Variants in SLC10A1 observed in about 807,000 individuals in gnomAD.
SLC10A1 encodes the protein solute carrier family 10 member 1, also known as hepatic sodium/bile acid cotransporter.
In SLC10A1, 36 loss-of-function variants were observed where a neutral mutation model predicts 20.5. That is an observed-to-expected ratio of 1.75 (90% CI 1.34 to 2.32). SLC10A1 has a LOEUF of 2.32. Ranked by LOEUF, SLC10A1 falls within the 30% of genes most tolerant of loss-of-function variation. The pLI is 0.00. For missense variants in SLC10A1, 545 were observed against 439.1 expected (o/e 1.24, Z -2.16); for synonymous variants, 188 against 163.6 (o/e 1.15, Z -1.14).
At chr14:69,790,355 T>G (rs1883809347) in intron 1 of SLC10A1, among the ~76,000 whole-genome samples, 1 of 152,084 alleles carries the variant, frequency 6.6e-6, no homozygotes, top group Non-Finnish European at 1.5e-5. Flanking sequence ...GTTAATATGA[T>G]CTTGGAACGA....
chr14:69,778,186 T>C, intron 4 of SLC10A1, 147 bp downstream of exon 4: 1 of 593,706 alleles, frequency 1.7e-6, no homozygotes, highest in African/African-American at 2.0e-5. Context: ...TAATGCTTCT[T>C]GGGTGCTTCT....
Position 69,776,060 on chromosome 14 carries a change from A to G in SLC10A1, c.*222T>C. The G allele has an allele frequency of 1.8e-6, 1 of 550,254 alleles. No homozygotes were observed. The highest frequency in any genetic ancestry group is 3.0e-5 in the East Asian group (1 of 32,966). 34.1% of individuals were successfully genotyped at this position (550,254 alleles called of 1,614,324 possible). A position where few individuals can be genotyped will look rare whatever the true frequency, so the allele number is the denominator to read the frequency against. On this transcript the variant is annotated 3_prime_UTR_variant, in exon 5 of 5. Transcript: ENST00000216540. ...TCATAGAGTTTACAGTCACTGAACA[A>G]GTCTTTAAAATAAGTAGCAAATTCT... is the stretch of plus-strand genomic sequence containing the variant.
Position 69,779,082 on chromosome 14 carries a change from A to G in SLC10A1, c.746+100T>C, listed in dbSNP as rs1883521109. On this transcript the variant is annotated intron_variant, in intron 3 of 4. Transcript: ENST00000216540. Reference sequence around the variant, plus strand: ...GGGCTGAGGCAGGAGGATCAGTTAAACCCTGGAGGTTGAGGCTGCAGTGAG... The same window carrying G: ...GGGCTGAGGCAGGAGGATCAGTTAAGCCCTGGAGGTTGAGGCTGCAGTGAG... 5 of 863,480 alleles carry G rather than the reference A, an allele frequency of 5.8e-6. No individual in the cohort carries two copies. The East Asian group carries it at 1.4e-4, about 23-fold the overall frequency. The allele number at this position is 863,480 out of a possible 1,614,324, so 53.5% of individuals were successfully genotyped here.
chr14:69,779,449 G>C, intron 2 of SLC10A1, 89 bp from the exon 3 acceptor site: 3 of 972,926 alleles, frequency 3.1e-6, no homozygotes, highest in Non-Finnish European at 4.5e-6. Flanking sequence ...TTGGAGGTGG[G>C]AAACATTGCA....
In SLC10A1 at chr14:69,776,328, C is replaced by G; in HGVS notation, c.1004G>C (p.Gly335Ala). 6.2e-7 allele frequency: 1 copy of G among 1,613,782 alleles called. No individual in the cohort carries two copies. The highest frequency in any genetic ancestry group is 8.5e-7 in the Non-Finnish European group (1 of 1,180,008). The change falls in exon 5 of 5, where the codon GGA (glycine) becomes GCA (alanine). Residue 335 changes from glycine (G) to alanine (A), a missense_variant. Physicochemically the swap from Gly to Ala is moderately conservative, Grantham distance 60. Transcript: ENST00000216540. Reference protein sequence around the residue: ...TTEETIPGALGNGTYKGEDCS... With the variant: ...TTEETIPGALANGTYKGEDCS... ...GTCCTCCCCTTTGTAGGTGCCATTT[C>G]CCAGAGCTCCTGGAATTGTTTCTTC...
chr14:69,790,652 A>T (rs8020042), intron 1 of SLC10A1, among the ~76,000 whole-genome samples: 1 of 151,942 alleles, frequency 6.6e-6, no homozygotes, highest in Admixed American at 6.6e-5. Flanking sequence ...TTGAAAGGAA[A>T]TCTATTAGAA....
chr14:69,784,308 G>A (rs1883663227), intron 2 of SLC10A1, among the ~76,000 whole-genome samples: 1 of 152,216 alleles, frequency 6.6e-6, no homozygotes, highest in South Asian at 2.1e-4. Context: ...GTCCAATGCT[G>A]CTAGAAGGTC....
chr14:69,775,934 G>T lies in SLC10A1; in HGVS notation c.*348C>A, dbSNP rs201696034. The T allele has an allele frequency of 6.2e-5, 12 of 193,588 alleles. No homozygotes were observed. In the Admixed American group the frequency reaches 6.9e-4, roughly 11 times the overall value. The allele number at this position is 193,588 out of a possible 1,614,324, so 12.0% of individuals were successfully genotyped here. ...ATGGGATTTGGGTATTTGAGTAATG[G>T]GTTAAACATATATATTGATTAGTTC... On this transcript the variant is annotated 3_prime_UTR_variant, in exon 5 of 5. Transcript: ENST00000216540.
rs867225105 is a variant in SLC10A1, at chr14:69,787,879, T to C, written c.357-1572A>G. 2.0e-5 allele frequency among the ~76,000 whole-genome samples: 3 copies of C among 151,924 alleles called. No homozygotes were observed. In the South Asian group the frequency reaches 6.2e-4, roughly 32 times the overall value. ...ACCCCTGTCTCTACACACAAACAAATGAACAAACAAACCAAAAACCACACA... is the reference window on the plus strand; with the variant it reads ...ACCCCTGTCTCTACACACAAACAAACGAACAAACAAACCAAAAACCACACA... On this transcript the variant is annotated intron_variant, in intron 1 of 4. Transcript: ENST00000216540.
chr14:69,793,366 T>C (rs1259511405), intron 1 of SLC10A1, among the ~76,000 whole-genome samples: 1 of 152,138 alleles, frequency 6.6e-6, no homozygotes, highest in Admixed American at 6.5e-5. Flanking sequence ...TTTCAGACTC[T>C]AGATTCCTGA....
At chr14:69,791,229 TA>T (rs1331457108) in intron 1 of SLC10A1, among the ~76,000 whole-genome samples, 2 of 152,164 alleles carry the variant, frequency 1.3e-5, no homozygotes, top group Admixed American at 1.3e-4. Context: ...TCCAGACTTA[TA>T]ATTTTTTTTG....
intron 4 of SLC10A1, 55 bp from the exon 5 acceptor site, chr14:69,776,443 T>C (rs1000554630): frequency 2.2e-6 from 3 of 1,381,928 alleles, no homozygotes; most frequent in African/African-American, 2.9e-5. Context: ...GAGTGAACAA[T>C]GAAGCTTGTT....
chr14:69,787,924 G>A (rs1883760156), intron 1 of SLC10A1, among the ~76,000 whole-genome samples: 1 of 152,102 alleles, frequency 6.6e-6, no homozygotes, highest in East Asian at 1.9e-4. Context: ...GCCAGGTGTG[G>A]TGGTGTGCAC....
chr14:69,793,601 G>C (rs944466151), intron 1 of SLC10A1, among the ~76,000 whole-genome samples: 9 of 152,228 alleles, frequency 5.9e-5, no homozygotes, highest in Admixed American at 2.6e-4. Context: ...AAAACTTCTG[G>C]GACCCCAGTG....
Position 69,776,906 on chromosome 14 carries a change from A to G in SLC10A1, c.944-518T>C, listed in dbSNP as rs150843324. ...ACAGAGTTGTTCTCCCATCAGGTGCAGGAATGAAAAGTATAAAAACTTGAC... is the reference window on the plus strand; with the variant it reads ...ACAGAGTTGTTCTCCCATCAGGTGCGGGAATGAAAAGTATAAAAACTTGAC... On this transcript the variant is annotated intron_variant, in intron 4 of 4. Transcript: ENST00000216540. 6.0e-3 allele frequency among the ~76,000 whole-genome samples: 921 copies of G among 152,338 alleles called. 8 individuals carry two copies. Among genetic ancestry groups the G allele is most frequent in the African/African-American group, 0.021 (886 of 41,576 alleles).
chr14:69,782,911 T>A (rs1883629207), intron 2 of SLC10A1, among the ~76,000 whole-genome samples: 1 of 151,728 alleles, frequency 6.6e-6, no homozygotes, highest in Non-Finnish European at 1.5e-5. Flanking sequence ...CTCACATCAG[T>A]TGTCATTAGC....
intron 1 of SLC10A1, among the ~76,000 whole-genome samples, chr14:69,787,104 T>C (rs1883735728): frequency 1.3e-5 from 2 of 152,198 alleles, no homozygotes; most frequent in African/African-American, 4.8e-5. Flanking sequence ...CAGATTTGCT[T>C]TGCATCTTGG....
At chr14:69,787,835 G>T (rs984500178) in intron 1 of SLC10A1, among the ~76,000 whole-genome samples, 3 of 152,066 alleles carry the variant, frequency 2.0e-5, no homozygotes, top group African/African-American at 7.2e-5. Flanking sequence ...TTTGAGACCA[G>T]CCTGGGCAAC....
chr14:69,791,182 A>T (rs1883829787), intron 1 of SLC10A1, among the ~76,000 whole-genome samples: 1 of 152,232 alleles, frequency 6.6e-6, no homozygotes, highest in Admixed American at 6.5e-5. Context: ...ATAGTCTCTC[A>T]ATTTATATAT....
Sources: gnomAD v4.1 joint callset for allele counts (sites outside exome capture counted in the v4.1 genomes callset) on GRCh38, gnomAD v4.1.1 for gene constraint, MANE v1.5 for transcripts, NCBI Gene and HGNC (gene_info 2026-07-23, HGNC 2026-07-21) for gene names.